Variants in DGKB observed in about 807,000 individuals in gnomAD.
The protein encoded by DGKB is diacylglycerol kinase beta.
Under a neutral mutation model 114.3 loss-of-function variants are expected in DGKB, and 67 were observed. The ratio of observed to expected loss-of-function variants is 0.59; its 90% CI spans 0.48 to 0.72. The LOEUF is 0.72. Among genes scored for constraint, DGKB ranks in the 30% least tolerant of loss-of-function variants. DGKB has a pLI of 0.00. For synonymous variants in DGKB, 398 were observed against 323.1 expected (o/e 1.23, Z -2.49); for missense variants, 907 against 975.2 (o/e 0.93, Z 0.93).
intron 20 of DGKB, among the ~76,000 whole-genome samples, chr7:14,484,785 A>G (rs1783522184): frequency 6.6e-6 from 1 of 152,176 alleles, no homozygotes. Context: ...TAACACATCA[A>G]GAATTAGACA....
intron 21 of DGKB, among the ~76,000 whole-genome samples, chr7:14,387,172 C>A (rs1820502839): frequency 6.6e-6 from 1 of 151,412 alleles, no homozygotes; most frequent in African/African-American, 2.4e-5. Context: ...GCCTGTAATC[C>A]CAGCACTTTG....
intron 21 of DGKB, among the ~76,000 whole-genome samples, chr7:14,349,020 G>A (rs534148091): frequency 4.6e-4 from 70 of 152,136 alleles, no homozygotes; most frequent in African/African-American, 1.5e-3. Flanking sequence ...GGGTGACATC[G>A]TGAACTTTGT....
intron 21 of DGKB, among the ~76,000 whole-genome samples, chr7:14,424,523 C>T (rs1827210110): frequency 2.0e-5 from 3 of 152,082 alleles, no homozygotes; most frequent in East Asian, 1.9e-4. Flanking sequence ...ATAACCATCC[C>T]TTATATTCTA....
Position 14,519,849 on chromosome 7 carries a change from T to C in DGKB, c.1771-41624A>G, listed in dbSNP as rs1423360050. The stretch of plus-strand genomic sequence containing the variant: ...TTTTCTTATTAGCATTTATAAAAAA[T>C]CTTTTGTGAAATGTCTGTTTAAGTA... On this transcript the variant is annotated intron_variant, in intron 20 of 25. Coordinates refer to ENST00000402815, the MANE Select transcript of DGKB (RefSeq NM_001350709.2). Among the ~76,000 whole-genome samples the C allele has an allele frequency of 3.3e-5, 5 of 151,990 alleles. No individual in the cohort carries two copies. The East Asian group carries it at 9.6e-4, about 29-fold the overall frequency.
At chr7:14,750,985 G>T (rs899313479) in intron 4 of DGKB, among the ~76,000 whole-genome samples, 1 of 151,452 alleles carries the variant, frequency 6.6e-6, no homozygotes, top group Non-Finnish European at 1.5e-5. Flanking sequence ...TGTATTTTTA[G>T]TGGAGTCAGT....
chr7:14,905,754 G>A (rs1352939481), upstream of DGKB, among the ~76,000 whole-genome samples: 1 of 152,206 alleles, frequency 6.6e-6, no homozygotes, highest in South Asian at 2.1e-4. Flanking sequence ...TGTTTGCTTA[G>A]TTCATTCATG....
chr7:14,205,150 T>A (rs1786563766), intron 23 of DGKB, among the ~76,000 whole-genome samples: 1 of 152,006 alleles, frequency 6.6e-6, no homozygotes, highest in Non-Finnish European at 1.5e-5. Context: ...ACTGTCACTG[T>A]GTATTCATGT....
At chr7:14,206,719 G>A (rs1786885696) in intron 23 of DGKB, among the ~76,000 whole-genome samples, 1 of 151,898 alleles carries the variant, frequency 6.6e-6, no homozygotes, top group Non-Finnish European at 1.5e-5. Context: ...CGTATATCCT[G>A]GTTGCCTCAT....
Position 14,640,084 on chromosome 7 carries a change from G to A in DGKB, c.1135-9816C>T, listed in dbSNP as rs1423466214. ...AGAAGGACAAACAGCCCTTTCACTG[G>A]AATGAGTTCTACAACACACTAATAG... On this transcript the variant is annotated intron_variant, in intron 13 of 25. Transcript: ENST00000402815. 2.0e-5 allele frequency among the ~76,000 whole-genome samples: 3 copies of A among 152,164 alleles called. 1 individual carries two copies. The highest frequency in any genetic ancestry group is 2.0e-4 in the Admixed American group (3 of 15,280).
rs1161177365 is a variant in DGKB, at chr7:14,444,912, T to G, written c.1835+33249A>C. On this transcript the variant is annotated intron_variant, in intron 21 of 25. Transcript: ENST00000402815. ...TCAAAACCAAGATTCACTGGGCCAC[T>G]AATAAGTATTTCTGTTAATTCCTTG... 2.0e-5 allele frequency among the ~76,000 whole-genome samples: 3 copies of G among 151,882 alleles called. No homozygotes were observed. In the East Asian group the frequency reaches 5.8e-4, roughly 29 times the overall value.
intron 2 of DGKB, among the ~76,000 whole-genome samples, chr7:14,806,201 T>C (rs1425162946): frequency 6.6e-6 from 1 of 152,062 alleles, no homozygotes; most frequent in East Asian, 1.9e-4. Flanking sequence ...AAGACCTAAC[T>C]TTCACTCAAA....
intron 24 of DGKB, 38 bp downstream of exon 24, chr7:14,177,993 A>G (rs775066992): frequency 4.6e-6 from 7 of 1,515,018 alleles, no homozygotes; most frequent in Non-Finnish European, 6.1e-6. Flanking sequence ...AGGCTATGCC[A>G]TATCAAACGC....
intron 25 of DGKB, among the ~76,000 whole-genome samples, chr7:14,153,714 A>C (rs1782564496): frequency 6.6e-6 from 1 of 152,080 alleles, no homozygotes; most frequent in South Asian, 2.1e-4. Context: ...TAAAATTTCA[A>C]AGTGAAGGGA....
chr7:14,597,951 CTTTT>C (rs374933145), intron 17 of DGKB, among the ~76,000 whole-genome samples: 7 of 152,050 alleles, frequency 4.6e-5, no homozygotes, highest in African/African-American at 1.4e-4. Flanking sequence ...AAAGCACAAT[CTTTT>C]TTATCAATCA....
chr7:14,734,213 GTATTTTTA>G (rs1831368364), intron 5 of DGKB, among the ~76,000 whole-genome samples: 1 of 145,876 alleles, frequency 6.9e-6, no homozygotes, highest in Non-Finnish European at 1.5e-5. Flanking sequence ...TTTTTTTTTT[GTATTTTTA>G]GTAGAGACGG....
chr7:14,954,449 A>T (rs975732234), intron 1 of DGKB, among the ~76,000 whole-genome samples: 1 of 152,120 alleles, frequency 6.6e-6, no homozygotes, highest in Non-Finnish European at 1.5e-5. Flanking sequence ...AGTTAAAGCA[A>T]ATCATTAATG....
In DGKB at chr7:14,766,977, T is replaced by TG. The variant is rs537092484; in HGVS notation, c.71-9247dup. On this transcript the variant is annotated intron_variant, in intron 2 of 25. Transcript: ENST00000402815. The stretch of plus-strand genomic sequence containing the variant: ...TCAAGGGCTGTTTCAATTCAGTAGC[T>TG]GGGAAAAAAAAAATAAACCCAGAGT... 2.2e-3 allele frequency among the ~76,000 whole-genome samples: 337 copies of TG among 150,720 alleles called. 1 individual carries two copies. The highest frequency in any genetic ancestry group is 7.8e-3 in the African/African-American group (323 of 41,160).
At chr7:14,307,963 A>G (rs914913295) in intron 23 of DGKB, among the ~76,000 whole-genome samples, 2 of 140,090 alleles carry the variant, frequency 1.4e-5, no homozygotes, top group African/African-American at 6.3e-5. Flanking sequence ...AAATATCAGT[A>G]AGAACCTTTT....
At chr7:14,854,718 G>A (rs1458306781) in intron 1 of DGKB, among the ~76,000 whole-genome samples, 1 of 152,174 alleles carries the variant, frequency 6.6e-6, no homozygotes, top group African/African-American at 2.4e-5. Context: ...TATGAGGCCT[G>A]TGGGCTGGGG....
Sources: gnomAD v4.1 joint callset for allele counts (sites outside exome capture counted in the v4.1 genomes callset) on GRCh38, gnomAD v4.1.1 for gene constraint, MANE v1.5 for transcripts, NCBI Gene and HGNC (gene_info 2026-07-23, HGNC 2026-07-21) for gene names.